The following RNF213 variants were observed in gnomAD, a reference collection of about 807,000 sequenced individuals.
RNF213 encodes ring finger protein 213.
RNF213 carries 341 observed loss-of-function variants against 514.4 expected under a neutral mutation model. The observed-to-expected ratio is 0.66, with a 90% CI of 0.61 to 0.73. The LOEUF is 0.73. Ranked by LOEUF, RNF213 falls within the 30% of genes least tolerant of loss-of-function variation. RNF213 has a pLI of 0.00. For missense variants in RNF213, 5,767 were observed against 6,615.6 expected, an observed-to-expected ratio of 0.87 and a Z score of 4.45; for synonymous variants, 2,655 against 2,658.2, an observed-to-expected ratio of 1.00 and a Z score of 0.04.
intron 17 of RNF213, among the ~76,000 whole-genome samples, chr17:80,323,482 G>C (rs1418073860): frequency 6.6e-6 from 1 of 152,112 alleles, no homozygotes; most frequent in Non-Finnish European, 1.5e-5. Flanking sequence ...AGTTTGGAGA[G>C]CATTGCCATC....
At chr17:80,379,505 A>G (rs565433718) in intron 54 of RNF213, 115 bp from the exon 55 acceptor site, 3 of 980,248 alleles carry the variant, frequency 3.1e-6, no homozygotes, top group East Asian at 2.4e-5. Flanking sequence ...ACACTGGGAC[A>G]ATCTGAGGGT....
At position 80,375,748 on chromosome 17, in the gene RNF213, T is replaced by C. The variant is rs751372260; in HGVS notation, c.13075-12T>C. 6.3e-7 allele frequency: 1 copy of C among 1,581,200 alleles called. No homozygotes were observed. The highest frequency in any genetic ancestry group is 1.7e-5 in the Admixed American group (1 of 59,942). ...GCTTTTAAATTCTTACTTGATACCC[T>C]TGATTTTGCAGGCCTGCAAGACCCC... On this transcript the variant is annotated splice_polypyrimidine_tract_variant and intron_variant, in intron 50 of 67. Transcript: ENST00000582970.
In RNF213 at chr17:80,339,350, G is replaced by A. The variant is rs377081808; in HGVS notation, c.4983G>A (p.Thr1661=). The change falls in exon 26 of 68, where the codon ACG becomes ACA. Residue 1661 remains threonine, a synonymous_variant. Transcript: ENST00000582970. The stretch of plus-strand genomic sequence containing the variant: ...TGGACTTTGGCTTGGACCTGGTGAC[G>A]GAGCTTAAAGAAGGTGGAGATGTCA... ...LQMDFGLDLV[T]ELKEGGDVTE... is the part of the protein sequence containing the mutation. 212 of 1,537,272 alleles carry A rather than the reference G, an allele frequency of 1.4e-4. No individual in the cohort carries two copies. Among genetic ancestry groups the A allele is most frequent in the South Asian group, 3.8e-4 (32 of 84,066 alleles).
chr17:80,349,625 TC>T, intron 29 of RNF213, 144 bp from the exon 30 acceptor site: 1 of 970,682 alleles, frequency 1.0e-6, no homozygotes, highest in South Asian at 1.3e-5. Flanking sequence ...TTTGGGAAAC[TC>T]CTTTGGGTTT....
rs779175673 is a variant in RNF213, at chr17:80,389,835, A to G, written c.15203A>G (p.Asn5068Ser). The G allele has an allele frequency of 1.2e-6, 2 of 1,613,952 alleles. No homozygotes were observed. The highest frequency in any genetic ancestry group is 2.2e-5 in the South Asian group (2 of 91,078). Residue 5068 changes from asparagine to serine, a missense_variant, in exon 66 of 68, where the codon AAC becomes AGC. Around this residue, in one of 13 missense-constraint regions of RNF213, gnomAD observed 1,245 missense variants for 1,339.0 expected, o/e 0.93. Transcript: ENST00000582970. Reference protein sequence around the residue: ...DQTIHVLKALNRCQLKHTIAL... With the variant: ...DQTIHVLKALSRCQLKHTIAL... ...ATTCTATTCCTTCTGCAGGCCTTAAACAGATGCCAGTTAAAACACACCATT... is the reference window on the plus strand; with the variant it reads ...ATTCTATTCCTTCTGCAGGCCTTAAGCAGATGCCAGTTAAAACACACCATT...
intron 23 of RNF213, chr17:80,336,904 A>G (rs2078002322): frequency 1.0e-5 from 2 of 198,242 alleles, no homozygotes; most frequent in South Asian, 7.7e-5. Context: ...CTGTCTCAAA[A>G]AAAAGAAAAG....
intron 18 of RNF213, among the ~76,000 whole-genome samples, chr17:80,326,769 A>G (rs2046292506): frequency 1.3e-5 from 2 of 152,190 alleles, no homozygotes; most frequent in African/African-American, 4.8e-5. Context: ...ATTCTATTGT[A>G]TGGATGTGCT....
intron 3 of RNF213, among the ~76,000 whole-genome samples, chr17:80,275,082 GGTGTGTTGGGTGTGT>G (rs924975383): frequency 5.0e-5 from 7 of 138,654 alleles, no homozygotes; most frequent in South Asian, 2.3e-4. Flanking sequence ...GTGTGAGTGG[GGTGTGTTGGGTGTGT>G]GTGTGTTGGG....
chr17:80,349,743 A>G (rs2078436114), intron 29 of RNF213, 27 bp from the exon 30 acceptor site: 1 of 1,613,746 alleles, frequency 6.2e-7, no homozygotes, highest in South Asian at 1.1e-5. Flanking sequence ...AAGTCTGGCA[A>G]GTAATTTGCA....
rs1323127860 is a variant in RNF213 at position 80,377,924 on chromosome 17, C to T, written c.13545+128C>T. 1.1e-5 allele frequency: 12 copies of T among 1,075,544 alleles called. No individual in the cohort carries two copies. The highest frequency in any genetic ancestry group is 1.6e-5 in the Non-Finnish European group (11 of 693,006). 66.6% of individuals were successfully genotyped at this position (1,075,544 alleles called of 1,614,324 possible). A position where few individuals can be genotyped will look rare whatever the true frequency, so the allele number is the denominator to read the frequency against. On this transcript the variant is annotated intron_variant, in intron 54 of 67. Coordinates refer to ENST00000582970, the MANE Select transcript of RNF213 (RefSeq NM_001256071.3). The surrounding 1 kb of genome is among the most constrained non-coding windows in gnomAD (Gnocchi z 4.1). ...AGAGCACAGGCTCACCGAGGACTGC[C>T]CAGGGTGCTCTGAGCAGGGCAATGC...
At chr17:80,375,561 C>G (rs1306901617) in intron 50 of RNF213, among the ~76,000 whole-genome samples, 199 bp from the exon 51 acceptor site, 1 of 151,498 alleles carries the variant, frequency 6.6e-6, no homozygotes, top group East Asian at 1.9e-4. Context: ...AAAGAATTAG[C>G]CGGACATGGT....
Position 80,374,505 on chromosome 17 carries a change from C to T in RNF213, c.12990C>T (p.Tyr4330=), listed in dbSNP as rs751848030. 43 of 1,614,014 alleles carry T rather than the reference C, an allele frequency of 2.7e-5. 1 individual carries two copies. In the Middle Eastern group the frequency reaches 2.1e-3, roughly 80 times the overall value. ...HPGQMDRYLV[Y]GDEYKALRDA... ...GCCAGATGGATAGGTACCTGGTGTA[C>T]GGCGATGAATACAAGGCTCTCCGTG... Residue 4330 remains tyrosine, a synonymous_variant, in exon 50 of 68, where the codon TAC becomes TAT. Coordinates refer to ENST00000582970, the MANE Select transcript of RNF213 (RefSeq NM_001256071.3).
intron 18 of RNF213, 122 bp downstream of exon 18, chr17:80,325,320 A>G: frequency 9.7e-7 from 1 of 1,025,988 alleles, no homozygotes; most frequent in African/African-American, 1.6e-5. Context: ...GATGTTTGAC[A>G]AAGGCTGCAG....
chr17:80,373,533 T>A (rs2144525556), intron 49 of RNF213, among the ~76,000 whole-genome samples: 2 of 152,194 alleles, frequency 1.3e-5, no homozygotes, highest in South Asian at 4.1e-4. Flanking sequence ...AGAGCTTCTT[T>A]AATTAGGCAT....
intron 32 of RNF213, chr17:80,352,052 A>C (rs2078541615): frequency 2.9e-6 from 1 of 342,750 alleles, no homozygotes; most frequent in Non-Finnish European, 5.5e-6. Flanking sequence ...ACGGGGTTTC[A>C]CCACGTTGGC....
rs541534040 is a variant in RNF213, at chr17:80,271,793, A to G, written c.98-1448A>G. 1.2e-4 allele frequency among the ~76,000 whole-genome samples: 18 copies of G among 151,832 alleles called. No homozygotes were observed. In the East Asian group the frequency reaches 3.3e-3, roughly 28 times the overall value. On this transcript the variant is annotated intron_variant, in intron 2 of 67. Transcript: ENST00000582970. ...GGAGTTCAAGACCAGCCTGACCAAC[A>G]TGGTGAAACCCCGTCTCTACTAAAA...
At chr17:80,390,400 G>A (rs1206446554) in intron 67 of RNF213, among the ~76,000 whole-genome samples, 1 of 152,106 alleles carries the variant, frequency 6.6e-6, no homozygotes, top group African/African-American at 2.4e-5. Flanking sequence ...GTGTTTTTCA[G>A]ACAAGAGTCT....
intron 54 of RNF213, chr17:80,379,373 A>T: frequency 1.9e-6 from 1 of 528,726 alleles, no homozygotes; most frequent in Non-Finnish European, 3.5e-6. Context: ...ATAAAGTGTC[A>T]CTCTGGGAAT....
chr17:80,366,436 G>A (rs970560213), intron 42 of RNF213, among the ~76,000 whole-genome samples: 1 of 151,954 alleles, frequency 6.6e-6, no homozygotes, highest in Non-Finnish European at 1.5e-5. Flanking sequence ...TTTCATAATG[G>A]CCACCGTGAT....
Sources: gnomAD v4.1 joint callset for allele counts (sites outside exome capture counted in the v4.1 genomes callset) on GRCh38, gnomAD v4.1.1 for gene constraint, gnomAD v4.1.1 regional missense constraint, Gnocchi (gnomAD v3.1) non-coding constraint, MANE v1.5 for transcripts, NCBI Gene and HGNC (gene_info 2026-07-23, HGNC 2026-07-21) for gene names.